The following ALKBH8 variants were observed in gnomAD, a reference collection of about 807,000 sequenced individuals.
ALKBH8 encodes the protein alkB homolog 8, tRNA methyltransferase.
A neutral mutation model predicts 59.8 loss-of-function variants in ALKBH8; 36 were observed. The observed-to-expected ratio is 0.60, with a 90% CI of 0.46 to 0.79. ALKBH8 has a LOEUF of 0.79. Ranked by LOEUF, ALKBH8 falls within the 30% of genes least tolerant of loss-of-function variation. The pLI, the probability that ALKBH8 is intolerant of heterozygous loss-of-function variation, is 0.00. For synonymous variants in ALKBH8, 276 were observed against 273.6 expected (o/e 1.01, Z -0.09); for missense variants, 768 against 801.0 (o/e 0.96, Z 0.50).
At chr11:107,532,684 G>A (rs1356770687) in intron 7 of ALKBH8, among the ~76,000 whole-genome samples, 2 of 152,110 alleles carry the variant, frequency 1.3e-5, no homozygotes, top group Non-Finnish European at 2.9e-5. Context: ...AAGAAATTAT[G>A]AAGCAGGTGG....
chr11:107,536,835 T>C (rs762377786), intron 7 of ALKBH8, among the ~76,000 whole-genome samples: 1 of 152,186 alleles, frequency 6.6e-6, no homozygotes, highest in Non-Finnish European at 1.5e-5. Flanking sequence ...GCCAAAGACC[T>C]CAGATAAAGA....
intron 10 of ALKBH8, among the ~76,000 whole-genome samples, chr11:107,522,047 A>T (rs546355781): frequency 1.3e-5 from 2 of 152,306 alleles, no homozygotes; most frequent in East Asian, 3.9e-4. Flanking sequence ...TTTTATAACT[A>T]TAAGATAGTT....
At chr11:107,559,140 T>C (rs1000168355) in intron 2 of ALKBH8, among the ~76,000 whole-genome samples, 10 of 152,334 alleles carry the variant, frequency 6.6e-5, no homozygotes, top group Non-Finnish European at 1.2e-4. Context: ...CCTGCCGCCA[T>C]GTAAGCCAGG....
intron 7 of ALKBH8, among the ~76,000 whole-genome samples, chr11:107,539,828 C>T (rs751625571): frequency 2.5e-4 from 38 of 152,224 alleles, no homozygotes; most frequent in Non-Finnish European, 5.6e-4. Flanking sequence ...GTCACCAACA[C>T]ATCCTGTAAT....
Position 107,522,561 on chromosome 11 carries a change from T to A in ALKBH8, c.1031-6A>T. On this transcript the variant is annotated splice_polypyrimidine_tract_variant and splice_region_variant and intron_variant, in intron 9 of 11. Coordinates refer to ENST00000428149, the MANE Select transcript of ALKBH8 (RefSeq NM_138775.3). ...ATCACAGACCAACGGGTAACCTTAA[T>A]GAAAAAGCAATACACACCTTTCCTT... is the stretch of plus-strand genomic sequence containing the variant. The A allele has an allele frequency of 6.5e-7, 1 of 1,549,242 alleles. No individual in the cohort carries two copies. Among genetic ancestry groups the A allele is most frequent in the Middle Eastern group, 1.7e-4 (1 of 5,970 alleles).
intron 1 of ALKBH8, among the ~76,000 whole-genome samples, chr11:107,562,486 A>AT (rs1238705733): frequency 6.6e-6 from 1 of 152,126 alleles, no homozygotes; most frequent in Non-Finnish European, 1.5e-5. Flanking sequence ...CACAGGCATA[A>AT]TTTTTTTAGA....
chr11:107,556,723 A>C (rs987612510), intron 3 of ALKBH8, 43 bp downstream of exon 3: 1 of 1,287,172 alleles, frequency 7.8e-7, no homozygotes, highest in Non-Finnish European at 1.0e-6. Flanking sequence ...AAAAGAAAAC[A>C]CCCAGAAGAA....
chr11:107,544,815 C>CAACACA (rs1864180801), intron 7 of ALKBH8, among the ~76,000 whole-genome samples: 1 of 138,454 alleles, frequency 7.2e-6, no homozygotes, highest in Admixed American at 7.2e-5. Context: ...TAGATACAAA[C>CAACACA]CACACACACA....
intron 7 of ALKBH8, among the ~76,000 whole-genome samples, chr11:107,549,116 G>A (rs1053743451): frequency 2.0e-5 from 3 of 152,120 alleles, no homozygotes; most frequent in African/African-American, 7.2e-5. Flanking sequence ...CTCCCAAAGT[G>A]CTGGGATTAC....
chr11:107,534,638 A>G (rs1033560118), intron 7 of ALKBH8, among the ~76,000 whole-genome samples: 2 of 152,220 alleles, frequency 1.3e-5, no homozygotes, highest in Non-Finnish European at 2.9e-5. Context: ...TGAACATGAT[A>G]TTAGTTAATT....
At chr11:107,557,370 G>A (rs1204310380) in intron 2 of ALKBH8, among the ~76,000 whole-genome samples, 4 of 152,148 alleles carry the variant, frequency 2.6e-5, no homozygotes, top group Non-Finnish European at 5.9e-5. Context: ...TTTTTGGCAA[G>A]ACTGTTCTAT....
At chr11:107,565,311 C>T (rs1865087260) in intron 1 of ALKBH8, 1 of 527,410 alleles carries the variant, frequency 1.9e-6, no homozygotes, top group Admixed American at 3.3e-5. Context: ...CACACTAACA[C>T]GCCCCATGTT....
chr11:107,565,347 A>T (rs74836130), intron 1 of ALKBH8: 2 of 578,030 alleles, frequency 3.5e-6, no homozygotes, highest in East Asian at 5.8e-5. Flanking sequence ...AACCCCAAAG[A>T]AAACAGAAGA....
At chr11:107,548,058 G>C (rs1051021547) in intron 7 of ALKBH8, among the ~76,000 whole-genome samples, 1 of 152,150 alleles carries the variant, frequency 6.6e-6, no homozygotes, top group Non-Finnish European at 1.5e-5. Context: ...CACACTCCTA[G>C]TTTTTTTCCA....
intron 1 of ALKBH8, 133 bp from the exon 2 acceptor site, chr11:107,561,032 G>T: frequency 2.8e-6 from 2 of 713,836 alleles, no homozygotes; most frequent in Non-Finnish European, 4.4e-6. Flanking sequence ...CATTTACCTT[G>T]TACCAACTAA....
At chr11:107,520,486 C>G (rs1863063530) in intron 10 of ALKBH8, among the ~76,000 whole-genome samples, 1 of 151,990 alleles carries the variant, frequency 6.6e-6, no homozygotes, top group Non-Finnish European at 1.5e-5. Flanking sequence ...GTTTCACTGT[C>G]ACAAATGATA....
At chr11:107,554,034 A>C in intron 3 of ALKBH8, 56 bp from the exon 4 acceptor site, 1 of 1,590,970 alleles carries the variant, frequency 6.3e-7, no homozygotes, top group Non-Finnish European at 8.6e-7. Context: ...CCTATATACA[A>C]ATAATTCTGC....
At chr11:107,520,947 G>T (rs1863085570) in intron 10 of ALKBH8, among the ~76,000 whole-genome samples, 1 of 152,042 alleles carries the variant, frequency 6.6e-6, no homozygotes, top group Non-Finnish European at 1.5e-5. Context: ...CTTGTCATTA[G>T]TCCCTAAGCA....
At chr11:107,564,360 T>C (rs138200646) in intron 1 of ALKBH8, among the ~76,000 whole-genome samples, 1 of 152,326 alleles carries the variant, frequency 6.6e-6, no homozygotes, top group African/African-American at 2.4e-5. Flanking sequence ...CCTATACTTA[T>C]ATGTTTAAAA....
Sources: allele counts gnomAD v4.1 joint callset (sites outside exome capture counted in the v4.1 genomes callset), GRCh38; gene constraint gnomAD v4.1.1; transcripts MANE v1.5; gene names NCBI Gene and HGNC (gene_info 2026-07-23, HGNC 2026-07-21).